TENM4: variants seen among roughly 807,000 people sequenced by gnomAD.
The protein encoded by TENM4 is teneurin transmembrane protein 4.
In TENM4, 82 loss-of-function variants were observed where a neutral mutation model predicts 243.3. The ratio of observed to expected loss-of-function variants is 0.34; its 90% CI spans 0.28 to 0.40. TENM4 has a LOEUF of 0.40. Ranked by LOEUF, TENM4 falls within the 10% of genes least tolerant of loss-of-function variation. The probability of loss-of-function intolerance (pLI) is 1.00; values close to 1 mark genes in which losing one functional copy is unlikely to be tolerated. For synonymous variants in TENM4, 1,412 were observed against 1,456.3 expected, an observed-to-expected ratio of 0.97 and a Z score of 0.69; for missense variants, 3,138 against 3,673.3, an observed-to-expected ratio of 0.85 and a Z score of 3.77.
chr11:79,122,536 A>G (rs1263593732), intron 4 of TENM4, among the ~76,000 whole-genome samples: 3 of 152,204 alleles, frequency 2.0e-5, no homozygotes, highest in African/African-American at 7.2e-5. Context: ...GACTGGATTC[A>G]TGACCTTTTG....
chr11:79,216,845 C>T (rs1864060207), intron 2 of TENM4, among the ~76,000 whole-genome samples: 1 of 152,136 alleles, frequency 6.6e-6, no homozygotes, highest in South Asian at 2.1e-4. Context: ...GTTACAGTAG[C>T]AGAAAATGGA....
At chr11:78,723,041 A>G (rs1211748439) in intron 23 of TENM4, 124 bp from the exon 24 acceptor site, 2 of 1,385,574 alleles carry the variant, frequency 1.4e-6, no homozygotes, top group East Asian at 2.4e-5. Flanking sequence ...TTCCAGGATC[A>G]TAGCCCAAGG....
intron 1 of TENM4, among the ~76,000 whole-genome samples, chr11:79,321,001 C>T (rs1296934753): frequency 1.3e-5 from 2 of 152,168 alleles, no homozygotes; most frequent in African/African-American, 4.8e-5. Flanking sequence ...GCTGAGGAAA[C>T]CGAGGTTTGG....
At chr11:79,341,841 G>A (rs1178588014) in intron 1 of TENM4, among the ~76,000 whole-genome samples, 3 of 152,212 alleles carry the variant, frequency 2.0e-5, no homozygotes, top group Non-Finnish European at 4.4e-5. Flanking sequence ...TATGGGTGGT[G>A]TGGTAAAGTA....
intron 6 of TENM4, among the ~76,000 whole-genome samples, chr11:78,935,875 T>C (rs1856772218): frequency 1.3e-5 from 2 of 152,312 alleles, no homozygotes; most frequent in African/African-American, 4.8e-5. Context: ...TTGCAACCGT[T>C]GAATGGAGCC....
At chr11:79,309,515 G>A (rs1856683512) in intron 1 of TENM4, among the ~76,000 whole-genome samples, 1 of 152,228 alleles carries the variant, frequency 6.6e-6, no homozygotes, top group South Asian at 2.1e-4. Context: ...AATAACCCTG[G>A]ATCGTGCTCA....
chr11:79,337,730 A>T (rs1477135595), intron 1 of TENM4, among the ~76,000 whole-genome samples: 1 of 152,188 alleles, frequency 6.6e-6, no homozygotes, highest in Non-Finnish European at 1.5e-5. Flanking sequence ...GCCATGCTAC[A>T]TTGGAGTTCT....
chr11:79,114,774 C>G (rs1861583601), intron 4 of TENM4, among the ~76,000 whole-genome samples: 2 of 152,196 alleles, frequency 1.3e-5, no homozygotes, highest in African/African-American at 2.4e-5. Context: ...TTATACAGGA[C>G]AGAGCAACAT....
At chr11:78,731,547 C>T (rs546840158) in intron 21 of TENM4, among the ~76,000 whole-genome samples, 5 of 152,284 alleles carry the variant, frequency 3.3e-5, no homozygotes, top group South Asian at 2.1e-4. Flanking sequence ...GTGAGACAAC[C>T]GGGACTTCTC....
intron 6 of TENM4, among the ~76,000 whole-genome samples, chr11:79,024,105 C>T (rs571471628): frequency 2.6e-5 from 4 of 151,560 alleles, no homozygotes; most frequent in African/African-American, 4.9e-5. Context: ...TCCTTCCCAT[C>T]CCCTGTGTAG....
intron 29 of TENM4, among the ~76,000 whole-genome samples, chr11:78,687,516 T>C (rs181683375): frequency 1.3e-4 from 20 of 152,292 alleles, no homozygotes; most frequent in Non-Finnish European, 2.2e-4. Context: ...TTGAGGCAGA[T>C]AATTAACAGC....
chr11:79,072,901 A>G (rs959259890), intron 4 of TENM4, among the ~76,000 whole-genome samples: 4 of 152,238 alleles, frequency 2.6e-5, no homozygotes, highest in South Asian at 2.1e-4. Flanking sequence ...AATGGTTTGA[A>G]CAATATAGCT....
chr11:78,786,943 T>C lies in TENM4; in HGVS notation c.2320A>G (p.Lys774Glu). 3.1e-6 allele frequency: 5 copies of C among 1,606,754 alleles called. No homozygotes were observed. Among genetic ancestry groups the C allele is most frequent in the East Asian group, 4.5e-5 (2 of 44,614 alleles). The part of the protein sequence containing the change: ...CAEHGTCRDG[K>E]CECSPGWNGE... ...TTCCAGCCAGGGCTGCACTCGCACTTGCCGTCGCGGCAGGTCCCATGCTCG... is the reference window on the plus strand; with the variant it reads ...TTCCAGCCAGGGCTGCACTCGCACTCGCCGTCGCGGCAGGTCCCATGCTCG... Residue 774 changes from lysine to glutamate, a missense_variant, in exon 16 of 34, where the codon AAG (lysine) becomes GAG (glutamate). Lys to Glu is a moderately conservative substitution (Grantham distance 56). Coordinates refer to ENST00000278550, the MANE Select transcript of TENM4 (RefSeq NM_001098816.3).
At chr11:79,037,015 C>CAAAAAAAAAAAA (rs369421583) in intron 6 of TENM4, among the ~76,000 whole-genome samples, 8 of 91,150 alleles carry the variant, frequency 8.8e-5, no homozygotes, top group African/African-American at 3.0e-4. Flanking sequence ...GACTCCATCT[C>CAAAAAAAAAAAA]AAAAAAAAAA....
At chr11:79,065,449 A>G (rs1860220157) in intron 5 of TENM4, among the ~76,000 whole-genome samples, 1 of 152,250 alleles carries the variant, frequency 6.6e-6, no homozygotes, top group African/African-American at 2.4e-5. Context: ...ACAAAAATGC[A>G]GTACTCAGAA....
In TENM4 at chr11:78,812,303, C is replaced by T; in HGVS notation, c.1797G>A (p.Val599=). The T allele has an allele frequency of 6.4e-7, 1 of 1,551,680 alleles. No homozygotes were observed. The highest frequency in any genetic ancestry group is 1.2e-5 in the South Asian group (1 of 84,064). ...GPDCGRASCP[V]LCSGNGQYMK... Reference sequence around the variant, plus strand: ...TGTATTGGCCATTTCCGCTACAGAGCACGGGGCAGGAGGCTGGGGAGACAG... The same window carrying T: ...TGTATTGGCCATTTCCGCTACAGAGTACGGGGCAGGAGGCTGGGGAGACAG... Residue 599 remains valine, a synonymous_variant, in exon 14 of 34, where the codon GTG becomes GTA. Coordinates refer to ENST00000278550, the MANE Select transcript of TENM4 (RefSeq NM_001098816.3).
intron 1 of TENM4, among the ~76,000 whole-genome samples, chr11:79,372,102 A>G (rs1803140474): frequency 6.6e-6 from 1 of 152,170 alleles, no homozygotes; most frequent in African/African-American, 2.4e-5. Flanking sequence ...GAGCTTTTAG[A>G]AGGGTCACCA....
intron 19 of TENM4, among the ~76,000 whole-genome samples, chr11:78,750,999 C>T (rs2135939318): frequency 6.6e-6 from 1 of 152,260 alleles, no homozygotes; most frequent in African/African-American, 2.4e-5. Flanking sequence ...CCCACCTCAG[C>T]TTCCTGAGTA....
chr11:79,439,990 G>A (rs1859365204), intron 1 of TENM4, among the ~76,000 whole-genome samples: 1 of 151,972 alleles, frequency 6.6e-6, no homozygotes, highest in Non-Finnish European at 1.5e-5. Flanking sequence ...GCATCTCCAG[G>A]ATCTGAGCTC....
Sources: allele counts gnomAD v4.1 joint callset (sites outside exome capture counted in the v4.1 genomes callset), GRCh38; gene constraint gnomAD v4.1.1; transcripts MANE v1.5; gene names NCBI Gene and HGNC (gene_info 2026-07-23, HGNC 2026-07-21).